MSN: variants seen among roughly 807,000 people sequenced by gnomAD.
MSN encodes the protein epididymis luminal protein 70.
A neutral mutation model predicts 48.0 loss-of-function variants in MSN; 2 were observed. The ratio of observed to expected loss-of-function variants is 0.04; its 90% confidence interval spans 0.02 to 0.13. The LOEUF (loss-of-function observed/expected upper bound fraction) is 0.13, where lower values mean the gene tolerates loss of function less well. MSN is among the 10% of genes least tolerant of loss of function. MSN has a pLI of 1.00. For synonymous variants in MSN, 146 were observed against 166.9 expected (o/e 0.87, Z 0.97); for missense variants, 267 against 470.1 (o/e 0.57, Z 3.99).
rs2071455506 is a variant in MSN, at chrX:65,715,556, G to A, written c.13-1262G>A. On this transcript the variant is annotated intron_variant, in intron 1 of 12. Coordinates refer to ENST00000360270, the MANE Select transcript of MSN (RefSeq NM_002444.3). Reference sequence around the variant, plus strand: ...AGATCTTTCGCTTCCCTAGTTAACAGTATTCCTAGATATTTATTCTTTTGT... The same window carrying A: ...AGATCTTTCGCTTCCCTAGTTAACAATATTCCTAGATATTTATTCTTTTGT... Among the ~76,000 whole-genome samples, 4 of 111,740 alleles carry A rather than the reference G, an allele frequency of 3.6e-5. No homozygotes were observed. In the South Asian group the frequency reaches 1.1e-3, roughly 31 times the overall value.
intron 8 of MSN, among the ~76,000 whole-genome samples, chrX:65,736,495 C>T (rs376132868): frequency 9.5e-6 from 1 of 105,772 alleles, no homozygotes; most frequent in Non-Finnish European, 1.9e-5. Flanking sequence ...AGTGCAGTGG[C>T]GCAATCTCAG....
chrX:65,691,510 TC>T (rs2071172155), intron 1 of MSN, among the ~76,000 whole-genome samples: 1 of 111,616 alleles, frequency 9.0e-6, no homozygotes, highest in Non-Finnish European at 1.9e-5. Context: ...TTGTTTCTTT[TC>T]CTTTTTTTTT....
At chrX:65,711,491 C>T (rs964036677) in intron 1 of MSN, among the ~76,000 whole-genome samples, 3 of 112,490 alleles carry the variant, frequency 2.7e-5, no homozygotes, top group African/African-American at 6.5e-5. Flanking sequence ...ACACCATACC[C>T]GGCCCCTAAC....
At chrX:65,631,095 C>CTT (rs754602575) in intron 1 of MSN, among the ~76,000 whole-genome samples, 1 of 100,219 alleles carries the variant, frequency 1.0e-5, no homozygotes, top group African/African-American at 3.6e-5. Context: ...TATCCTGCTT[C>CTT]TTTTTTTTTT....
chrX:65,617,293 C>A (rs2148357903), intron 1 of MSN, among the ~76,000 whole-genome samples: 1 of 111,082 alleles, frequency 9.0e-6, no homozygotes, highest in East Asian at 2.8e-4. Context: ...ACCAGTTCCT[C>A]CTTGTACCTC....
Position 65,626,420 on chromosome X carries a change from C to T in MSN, c.-22+37808C>T, listed in dbSNP as rs776501215. Among the ~76,000 whole-genome samples the T allele has an allele frequency of 4.6e-4, 52 of 111,998 alleles. No homozygotes were observed. In the South Asian group the frequency reaches 0.016, roughly 35 times the overall value. On this transcript the variant is annotated intron_variant, in intron 1 of 3. Coordinates refer to the MSN transcript ENST00000609672. ...GTAACTGTGGAAATCAGATTCTCCT[C>T]TTTCTTCAGGGTTTGCTGTTTCGTT...
chrX:65,660,568 C>CT (rs1294905291), intron 1 of MSN, among the ~76,000 whole-genome samples: 983 of 93,684 alleles, frequency 0.01, 5 homozygotes, highest in Non-Finnish European at 0.014. Flanking sequence ...TGTTCCAGTT[C>CT]TTTTTTTTTT....
chrX:65,628,258 T>G (rs1445341509), intron 1 of MSN, among the ~76,000 whole-genome samples: 1 of 113,017 alleles, frequency 8.8e-6, no homozygotes, highest in Non-Finnish European at 1.9e-5. Context: ...AAGTTCTCTA[T>G]GAGGGCTCCG....
intron 1 of MSN, among the ~76,000 whole-genome samples, chrX:65,605,135 C>A (rs1011086794): frequency 1.8e-5 from 2 of 112,093 alleles, no homozygotes; most frequent in African/African-American, 6.5e-5. Context: ...TTGACCTTTC[C>A]GTTTGGTAAA....
At chrX:65,649,606 TG>T (rs1176602089) in intron 1 of MSN, among the ~76,000 whole-genome samples, 1 of 98,198 alleles carries the variant, frequency 1.0e-5, no homozygotes, top group African/African-American at 3.9e-5. Context: ...TATATATATT[TG>T]TGTGTGTGTG....
At chrX:65,590,826 C>G (rs1183990135) in intron 1 of MSN, among the ~76,000 whole-genome samples, 1 of 111,303 alleles carries the variant, frequency 9.0e-6, no homozygotes, top group Non-Finnish European at 1.9e-5. Flanking sequence ...CCAGCAGCAG[C>G]AGTAGCAGCA....
intron 2 of MSN, among the ~76,000 whole-genome samples, chrX:65,717,582 A>T (rs1414120267): frequency 8.9e-6 from 1 of 112,104 alleles, no homozygotes; most frequent in Admixed American, 9.4e-5. Flanking sequence ...GTCAGAAAGG[A>T]TGTACTGTAT....
intron 1 of MSN, among the ~76,000 whole-genome samples, chrX:65,660,443 T>G (rs924627038): frequency 1.8e-5 from 2 of 112,083 alleles, no homozygotes; most frequent in African/African-American, 6.5e-5. Context: ...AGAGATAGTT[T>G]GACTTCTTCC....
intron 1 of MSN, among the ~76,000 whole-genome samples, chrX:65,602,185 A>C (rs1360009419): frequency 8.9e-6 from 1 of 112,418 alleles, no homozygotes; most frequent in East Asian, 2.8e-4. Flanking sequence ...TTTGTGTGCA[A>C]ACTGCTGTGT....
chrX:65,734,239 A>G (rs1458901369), intron 7 of MSN, among the ~76,000 whole-genome samples: 1 of 111,714 alleles, frequency 9.0e-6, no homozygotes, highest in Non-Finnish European at 1.9e-5. Flanking sequence ...CTGCATGTCC[A>G]ACAAGGCCCA....
chrX:65,738,333 C>G (rs1410458751), intron 10 of MSN, among the ~76,000 whole-genome samples, 192 bp from the exon 11 acceptor site: 1 of 111,797 alleles, frequency 8.9e-6, no homozygotes, highest in Non-Finnish European at 1.9e-5. Flanking sequence ...GGTGGGGGAG[C>G]TCTGACTTAA....
chrX:65,697,640 G>T (rs970540319), intron 1 of MSN, among the ~76,000 whole-genome samples: 1 of 112,028 alleles, frequency 8.9e-6, no homozygotes, highest in Non-Finnish European at 1.9e-5. Context: ...ACCAATGCTG[G>T]CATCTAAAAC....
At chrX:65,703,125 T>C (rs1029402715) in intron 1 of MSN, among the ~76,000 whole-genome samples, 8 of 111,829 alleles carry the variant, frequency 7.2e-5, no homozygotes, top group Non-Finnish European at 1.5e-4. Flanking sequence ...AACAGGTTTT[T>C]GTTTTAAATT....
intron 1 of MSN, among the ~76,000 whole-genome samples, chrX:65,640,934 C>T (rs149494102): frequency 0.014 from 1,515 of 111,020 alleles, 31 homozygotes; most frequent in African/African-American, 0.048. Context: ...CATGGCAAAA[C>T]TCTGTCTCTA....
Sources: gnomAD v4.1 joint callset for allele counts (sites outside exome capture counted in the v4.1 genomes callset) on GRCh38, gnomAD v4.1.1 for gene constraint, MANE v1.5 for transcripts, NCBI Gene and HGNC (gene_info 2026-07-23, HGNC 2026-07-21) for gene names.